Variants in ADAMTS20 observed in about 807,000 individuals in gnomAD.
ADAMTS20 encodes ADAM metallopeptidase with thrombospondin type 1 motif 20.
ADAMTS20 carries 225 observed loss-of-function variants against 260.1 expected under a neutral mutation model. That is an observed-to-expected ratio of 0.87 (90% confidence interval 0.78 to 0.97). The LOEUF (loss-of-function observed/expected upper bound fraction) is 0.97, where lower values mean the gene tolerates loss of function less well. Ranked by LOEUF, ADAMTS20 falls within the 50% of genes least tolerant of loss-of-function variation. ADAMTS20 has a pLI of 0.00. For missense variants in ADAMTS20, 2,400 were observed against 2,337.7 expected, an observed-to-expected ratio of 1.03 and a Z score of -0.55; for synonymous variants, 802 against 769.5, an observed-to-expected ratio of 1.04 and a Z score of -0.70.
Position 43,452,663 on chromosome 12 carries a change from C to A in ADAMTS20, c.1793G>T (p.Arg598Leu). 1 of 1,610,206 alleles carries A rather than the reference C, an allele frequency of 6.2e-7. No individual in the cohort carries two copies. The highest frequency in any genetic ancestry group is 1.1e-5 in the South Asian group (1 of 90,626). The change falls in exon 13 of 39, where the codon CGC becomes CTC. Residue 598 changes from arginine to leucine, a missense_variant. By Grantham distance (102) the Arg-to-Leu change is moderately radical (BLOSUM62 -2). Transcript: ENST00000389420. ...ATTACATGATCGAAATTTCATCCTG[C>A]GGCCCACACAGTAATTTCCTCCGTT... ...PRNGGNYCVG[R>L]RMKFRSCNTD...
intron 15 of ADAMTS20, among the ~76,000 whole-genome samples, chr12:43,444,164 T>C (rs1941718796): frequency 6.6e-6 from 1 of 152,172 alleles, no homozygotes; most frequent in African/African-American, 2.4e-5. Context: ...ATGAAGCTAG[T>C]ATTTTAGCTC....
Position 43,493,187 on chromosome 12 carries a change from T to C in ADAMTS20, c.934A>G (p.Met312Val). 6.4e-7 allele frequency: 1 copy of C among 1,562,088 alleles called. No individual in the cohort carries two copies. The highest frequency in any genetic ancestry group is 2.3e-5 in the East Asian group (1 of 42,892). ...LIHIVVVKLV[M>V]IHREEEGPVI... ...TTTCTTACCTCCTCACGGTGAATCA[T>C]AACTAATTTTACCACTACTATGTGT... Residue 312 changes from methionine (M) to valine (V), a missense_variant, in exon 5 of 39, where the codon ATG becomes GTG. Met to Val is a conservative substitution (Grantham distance 21). Transcript: ENST00000389420.
At chr12:43,396,040 T>C (rs1343692872) in intron 29 of ADAMTS20, among the ~76,000 whole-genome samples, 2 of 152,080 alleles carry the variant, frequency 1.3e-5, no homozygotes, top group African/African-American at 4.8e-5. Context: ...ATCCCCTCGC[T>C]TCCAGGAAGT....
In ADAMTS20 at chr12:43,428,551, A is replaced by G; in HGVS notation, c.3655-20T>C. 1 of 1,599,808 alleles carries G rather than the reference A, an allele frequency of 6.3e-7. No individual in the cohort carries two copies. The highest frequency in any genetic ancestry group is 8.5e-7 in the Non-Finnish European group (1 of 1,172,086). On this transcript the variant is annotated intron_variant, in intron 25 of 38. Coordinates refer to ENST00000389420, the MANE Select transcript of ADAMTS20 (RefSeq NM_025003.5). ...TGAACACTGATCAAAAATTTAGCCA[A>G]TGGTAATATACAACATTAATTTATA...
chr12:43,528,360 A>AAAAAAC (rs1943173164), intron 3 of ADAMTS20, among the ~76,000 whole-genome samples: 1 of 147,418 alleles, frequency 6.8e-6, no homozygotes. Context: ...AAAAAAAAAA[A>AAAAAAC]AAAAAAAAAA....
At chr12:43,404,414 A>G (rs1486919760) in intron 28 of ADAMTS20, among the ~76,000 whole-genome samples, 1 of 152,226 alleles carries the variant, frequency 6.6e-6, no homozygotes, top group Non-Finnish European at 1.5e-5. Context: ...TACATTTCCA[A>G]CGTAATAGAT....
At chr12:43,546,667 G>C (rs1281687033) in intron 2 of ADAMTS20, among the ~76,000 whole-genome samples, 1 of 152,158 alleles carries the variant, frequency 6.6e-6, no homozygotes, top group African/African-American at 2.4e-5. Flanking sequence ...GTTGGATATA[G>C]GGATATTAAG....
chr12:43,457,333 C>T (rs1425939131), intron 11 of ADAMTS20, among the ~76,000 whole-genome samples: 1 of 152,078 alleles, frequency 6.6e-6, no homozygotes, highest in East Asian at 1.9e-4. Context: ...ACAGTCACTT[C>T]TAGTCCAGAT....
intron 4 of ADAMTS20, among the ~76,000 whole-genome samples, chr12:43,493,613 C>T (rs151115891): frequency 1.3e-3 from 200 of 152,270 alleles, no homozygotes; most frequent in African/African-American, 4.6e-3. Flanking sequence ...AACAAGATGT[C>T]AAGTGATCTG....
At chr12:43,381,078 C>T (rs1207260633) in intron 31 of ADAMTS20, among the ~76,000 whole-genome samples, 1 of 152,042 alleles carries the variant, frequency 6.6e-6, no homozygotes, top group Non-Finnish European at 1.5e-5. Context: ...CAGAAATAAA[C>T]CAATACATTT....
At chr12:43,470,020 A>G (rs1228703071) in intron 7 of ADAMTS20, among the ~76,000 whole-genome samples, 2 of 152,200 alleles carry the variant, frequency 1.3e-5, no homozygotes, top group African/African-American at 4.8e-5. Flanking sequence ...GAAGACTAAA[A>G]TCAAGCAAGG....
chr12:43,468,486 A>G (rs1942194002), intron 8 of ADAMTS20, 114 bp downstream of exon 8: 1 of 721,000 alleles, frequency 1.4e-6, no homozygotes, highest in Admixed American at 3.1e-5. Context: ...AATTACACTA[A>G]TAACATTTTA....
At chr12:43,507,851 C>A (rs1454803811) in intron 3 of ADAMTS20, among the ~76,000 whole-genome samples, 1 of 152,080 alleles carries the variant, frequency 6.6e-6, no homozygotes, top group Non-Finnish European at 1.5e-5. Context: ...ATGGATGAAG[C>A]TGGAGGCCAT....
At chr12:43,548,481 A>G (rs1453862650) in intron 2 of ADAMTS20, among the ~76,000 whole-genome samples, 26 of 152,190 alleles carry the variant, frequency 1.7e-4, no homozygotes, top group Admixed American at 1.6e-3. Flanking sequence ...ATCTGAGACT[A>G]AAAAGGGGAA....
At chr12:43,507,281 A>G (rs1592102441) in intron 3 of ADAMTS20, among the ~76,000 whole-genome samples, 1 of 152,322 alleles carries the variant, frequency 6.6e-6, no homozygotes, top group East Asian at 1.9e-4. Flanking sequence ...GTGATAATGA[A>G]CAAAGCTTCA....
chr12:43,527,816 T>A (rs1334858123), intron 3 of ADAMTS20, among the ~76,000 whole-genome samples: 1 of 151,980 alleles, frequency 6.6e-6, no homozygotes, highest in African/African-American at 2.4e-5. Flanking sequence ...CTACTCAATA[T>A]AATACTGGAA....
In ADAMTS20 at chr12:43,466,858, T is replaced by A. The variant is rs1942163803; in HGVS notation, c.1224-63A>T. 7 of 1,196,918 alleles carry A rather than the reference T, an allele frequency of 5.8e-6. No individual in the cohort carries two copies. In the Admixed American group the frequency reaches 8.7e-5, roughly 15 times the overall value. The allele number at this position is 1,196,918 out of a possible 1,614,324, so 74.1% of individuals were successfully genotyped here. On this transcript the variant is annotated intron_variant, in intron 8 of 38. Transcript: ENST00000389420. Reference sequence around the variant, plus strand: ...AGATGCTTACGATATTAGTAATAGATCCTTTATAGTCACATTATAATACAA... The same window carrying A: ...AGATGCTTACGATATTAGTAATAGAACCTTTATAGTCACATTATAATACAA...
Position 43,432,958 on chromosome 12 carries a change from G to GC in ADAMTS20, c.2721-148dup, listed in dbSNP as rs574631830. 1.2e-4 allele frequency: 80 copies of GC among 685,772 alleles called. No homozygotes were observed. In the African/African-American group the frequency reaches 1.4e-3, roughly 12 times the overall value. The allele number at this position is 685,772 out of a possible 1,614,324, so 42.5% of individuals were successfully genotyped here. ...AAACCAGTCTGCAGCCAGGAAGCCAGCATTATACTACTGACCTCATGCCAG... is the reference window on the plus strand; with the variant it reads ...AAACCAGTCTGCAGCCAGGAAGCCAGCCATTATACTACTGACCTCATGCCAG... On this transcript the variant is annotated intron_variant, in intron 19 of 38. Transcript: ENST00000389420.
intron 3 of ADAMTS20, among the ~76,000 whole-genome samples, chr12:43,510,447 A>C (rs1196895272): frequency 6.6e-6 from 1 of 151,612 alleles, no homozygotes; most frequent in Non-Finnish European, 1.5e-5. Flanking sequence ...TAATCTCATT[A>C]CTTTTTTTTT....
Sources: gnomAD v4.1 joint callset for allele counts (sites outside exome capture counted in the v4.1 genomes callset) on GRCh38, gnomAD v4.1.1 for gene constraint, MANE v1.5 for transcripts, NCBI Gene and HGNC (gene_info 2026-07-23, HGNC 2026-07-21) for gene names.